Variants in SUMO2 observed in about 807,000 individuals in gnomAD.
The protein encoded by SUMO2 is small ubiquitin like modifier 2.
A neutral mutation model predicts 16.0 loss-of-function variants in SUMO2; 1 was observed. That is an observed-to-expected ratio of 0.06 (90% CI 0.02 to 0.30). The LOEUF is 0.30. SUMO2 is among the 10% of genes least tolerant of loss of function. SUMO2 has a pLI of 1.00. For synonymous variants in SUMO2, 36 were observed against 40.6 expected (o/e 0.89, Z 0.43); for missense variants, 16 against 117.5 (o/e 0.14, Z 3.99).
chr17:75,168,824 C>T (rs1192708723), intron 3 of SUMO2, among the ~76,000 whole-genome samples: 1 of 152,084 alleles, frequency 6.6e-6, no homozygotes, highest in Non-Finnish European at 1.5e-5. Flanking sequence ...AGGCTGGTCT[C>T]AAACTCCTGA....
intron 2 of SUMO2, among the ~76,000 whole-genome samples, chr17:75,177,020 T>C (rs1323093390): frequency 6.6e-6 from 1 of 151,640 alleles, no homozygotes; most frequent in East Asian, 1.9e-4. Context: ...CCGTCTCTAC[T>C]AAAAACACAA....
intron 1 of SUMO2, among the ~76,000 whole-genome samples, chr17:75,182,040 T>C (rs996638925): frequency 6.6e-6 from 1 of 151,954 alleles, no homozygotes; most frequent in African/African-American, 2.4e-5. Context: ...TGTCCCCAAG[T>C]CCTCCCGGGA....
chr17:75,177,150 G>A (rs556719062), intron 2 of SUMO2, among the ~76,000 whole-genome samples: 2 of 150,260 alleles, frequency 1.3e-5, no homozygotes, highest in Admixed American at 1.3e-4. Flanking sequence ...TCGTGCCATT[G>A]CAAGAGCGAG....
At chr17:75,174,315 T>C (rs1200350196) in intron 3 of SUMO2, among the ~76,000 whole-genome samples, 1 of 152,076 alleles carries the variant, frequency 6.6e-6, no homozygotes. Context: ...TGCTTAAGCA[T>C]GGCAGGCGAG....
In SUMO2 at chr17:75,182,848, G is replaced by A. The variant is rs766033370; in HGVS notation, c.-14C>T. The A allele has an allele frequency of 4.3e-6, 6 of 1,410,780 alleles. No homozygotes were observed. The highest frequency in any genetic ancestry group is 5.6e-6 in the Non-Finnish European group (6 of 1,075,240). 87.4% of individuals were successfully genotyped at this position (1,410,780 alleles called of 1,614,324 possible). A position where few individuals can be genotyped will look rare whatever the true frequency, so the allele number is the denominator to read the frequency against. On this transcript the variant is annotated 5_prime_UTR_variant, in exon 1 of 4. Coordinates refer to ENST00000420826, the MANE Select transcript of SUMO2 (RefSeq NM_006937.4). ...TTCGTCGGCCATGGCGAGCGCCGGA[G>A]TCTCCTCAGCTGCCGCTTCACAAAA...
intron 2 of SUMO2, among the ~76,000 whole-genome samples, chr17:75,179,427 C>G (rs1379138022): frequency 6.6e-6 from 1 of 150,454 alleles, no homozygotes; most frequent in Non-Finnish European, 1.5e-5. Context: ...ACTCGGGAGA[C>G]TGAGACAGGA....
intron 3 of SUMO2, 126 bp from the exon 4 acceptor site, chr17:75,168,527 G>T: frequency 1.3e-6 from 1 of 757,442 alleles, no homozygotes; most frequent in Non-Finnish European, 2.1e-6. Flanking sequence ...TATTTTAGAT[G>T]TCTCATAGCT....
At position 75,168,332 on chromosome 17, in the gene SUMO2, T is replaced by G. The variant is rs2074709361; in HGVS notation, c.*7A>C. The G allele has an allele frequency of 1.3e-6, 2 of 1,582,506 alleles. No individual in the cohort carries two copies. The highest frequency in any genetic ancestry group is 1.7e-6 in the Non-Finnish European group (2 of 1,164,984). On this transcript the variant is annotated 3_prime_UTR_variant, in exon 4 of 4. Coordinates refer to ENST00000420826, the MANE Select transcript of SUMO2 (RefSeq NM_006937.4). Reference sequence around the variant, plus strand: ...AGAGTTCTGGAGTAAAGAAGCAGGTTCCCTTTTCAGTAGACACCTCCCGTC... The same window carrying G: ...AGAGTTCTGGAGTAAAGAAGCAGGTGCCCTTTTCAGTAGACACCTCCCGTC...
Position 75,182,806 on chromosome 17 carries a change from G to A in SUMO2, c.21+8C>T. ...GCGGCGAGGCGAAGGGGCCGGCGGC[G>A]AGCTCACCTTGGGCTTTTCGTCGGC... On this transcript the variant is annotated splice_region_variant and intron_variant, in intron 1 of 3. Transcript: ENST00000420826. 1.4e-6 allele frequency: 2 copies of A among 1,387,284 alleles called. No individual in the cohort carries two copies. The highest frequency in any genetic ancestry group is 1.9e-6 in the Non-Finnish European group (2 of 1,062,944). 85.9% of individuals were successfully genotyped at this position (1,387,284 alleles called of 1,614,324 possible).
chr17:75,181,951 G>C (rs1413612208), intron 1 of SUMO2, among the ~76,000 whole-genome samples: 1 of 152,004 alleles, frequency 6.6e-6, no homozygotes, highest in Non-Finnish European at 1.5e-5. Context: ...GCCCTAAAAC[G>C]CTCCAGAAAG....
At chr17:75,172,115 C>T (rs955608801) in intron 3 of SUMO2, among the ~76,000 whole-genome samples, 8 of 151,554 alleles carry the variant, frequency 5.3e-5, no homozygotes, top group African/African-American at 9.7e-5. Context: ...ACCTTTCCCC[C>T]GCCCAGATTC....
At chr17:75,180,492 C>G (rs911211035) in intron 2 of SUMO2, among the ~76,000 whole-genome samples, 18 of 146,244 alleles carry the variant, frequency 1.2e-4, no homozygotes, top group African/African-American at 4.2e-4. Flanking sequence ...GCGGGCGGAT[C>G]ACCTGAGGTC....
rs372438494 is a variant in SUMO2 at position 75,174,736 on chromosome 17, GGA to G, written c.225+14_225+15del. On this transcript the variant is annotated intron_variant, in intron 3 of 3. Transcript: ENST00000420826. ...TTACAAATGGTAATTTTTCTAATTA[GGA>G]GAGATTTTTTTACCTGTGCAGGTGT... 8.7e-6 allele frequency: 14 copies of G among 1,609,704 alleles called. No individual in the cohort carries two copies. The highest frequency in any genetic ancestry group is 1.1e-5 in the South Asian group (1 of 90,176).
At chr17:75,169,067 G>A (rs1335586446) in intron 3 of SUMO2, among the ~76,000 whole-genome samples, 4 of 146,720 alleles carry the variant, frequency 2.7e-5, no homozygotes, top group East Asian at 2.0e-4. Flanking sequence ...AAAAAAAAAA[G>A]GAAAAAAAAA....
chr17:75,171,833 C>A (rs1482705503), intron 3 of SUMO2, among the ~76,000 whole-genome samples: 1 of 151,982 alleles, frequency 6.6e-6, no homozygotes, highest in Non-Finnish European at 1.5e-5. Flanking sequence ...ACAATAGATA[C>A]TTTTTACTAT....
intron 1 of SUMO2, among the ~76,000 whole-genome samples, chr17:75,182,174 C>T (rs1330496325): frequency 1.3e-5 from 2 of 152,034 alleles, no homozygotes; most frequent in Admixed American, 6.5e-5. Flanking sequence ...CGTTGGCACC[C>T]AGGGAAAAGC....
chr17:75,181,258 A>C, intron 1 of SUMO2, 70 bp from the exon 2 acceptor site: 5 of 1,525,606 alleles, frequency 3.3e-6, no homozygotes, highest in Non-Finnish European at 4.5e-6. Context: ...AAGCAGCAGC[A>C]GCCCTAGTTG....
At chr17:75,171,179 G>A (rs1355462486) in intron 3 of SUMO2, among the ~76,000 whole-genome samples, 12 of 151,478 alleles carry the variant, frequency 7.9e-5, no homozygotes, top group Admixed American at 7.9e-4. Flanking sequence ...GCCCAGGGTG[G>A]AGTGCAATGG....
intron 2 of SUMO2, among the ~76,000 whole-genome samples, chr17:75,175,332 T>G (rs2074773874): frequency 6.6e-6 from 1 of 151,804 alleles, no homozygotes; most frequent in African/African-American, 2.4e-5. Flanking sequence ...CCTTTTCTTT[T>G]TTTTTTGAGA....
Sources: allele counts gnomAD v4.1 joint callset (sites outside exome capture counted in the v4.1 genomes callset), GRCh38; gene constraint gnomAD v4.1.1; transcripts MANE v1.5; gene names NCBI Gene and HGNC (gene_info 2026-07-23, HGNC 2026-07-21).